Variants in SPTSSB observed in about 807,000 individuals in gnomAD.
SPTSSB encodes androgen down regulated in mouse prostate.
A neutral mutation model predicts 7.7 loss-of-function variants in SPTSSB; 6 were observed. The observed-to-expected ratio is 0.78, with a 90% CI of 0.43 to 1.54. The LOEUF is 1.54. Ranked by LOEUF, SPTSSB falls within the 40% of genes most tolerant of loss-of-function variation. The pLI is 0.01. For synonymous variants in SPTSSB, 28 were observed against 29.7 expected (o/e 0.94, Z 0.19); for missense variants, 91 against 93.0 (o/e 0.98, Z 0.09).
intron 2 of SPTSSB, among the ~76,000 whole-genome samples, chr3:161,348,747 A>G (rs1390157237): frequency 6.6e-6 from 1 of 152,224 alleles, no homozygotes; most frequent in Non-Finnish European, 1.5e-5. Context: ...AGTAGCCAGA[A>G]CTGACATGTG....
intron 1 of SPTSSB, among the ~76,000 whole-genome samples, chr3:161,361,694 G>A (rs907879886): frequency 2.6e-5 from 4 of 152,092 alleles, no homozygotes; most frequent in African/African-American, 4.8e-5. Flanking sequence ...AGTAACTTTC[G>A]TCACAATTAT....
intron 1 of SPTSSB, among the ~76,000 whole-genome samples, chr3:161,362,551 C>T (rs1189208916): frequency 1.8e-4 from 28 of 152,006 alleles, no homozygotes; most frequent in Admixed American, 1.8e-3. Context: ...TTTTTTGATT[C>T]TATAAACAAG....
chr3:161,369,922 G>T (rs460165), intron 1 of SPTSSB, among the ~76,000 whole-genome samples: 1 of 151,918 alleles, frequency 6.6e-6, no homozygotes, highest in African/African-American at 2.4e-5. Flanking sequence ...TATTTTCTTC[G>T]TGCTGTATGT....
rs1714198791 is a variant in SPTSSB at position 161,345,893 on chromosome 3, A to G, written c.*200T>C. Reference sequence around the variant, plus strand: ...AAAGTCACTGTATTATCTCCGGTCTAAAGCACAATGTAGCATGTGCAAAAG... The same window carrying G: ...AAAGTCACTGTATTATCTCCGGTCTGAAGCACAATGTAGCATGTGCAAAAG... On this transcript the variant is annotated 3_prime_UTR_variant, in exon 3 of 3. Coordinates refer to ENST00000620149, the MANE Select transcript of SPTSSB (RefSeq NM_001040100.2). 2.1e-6 allele frequency: 1 copy of G among 476,858 alleles called. No individual in the cohort carries two copies. Among genetic ancestry groups the G allele is most frequent in the Admixed American group, 3.6e-5 (1 of 27,596 alleles). 29.5% of individuals were successfully genotyped at this position (476,858 alleles called of 1,614,324 possible). A position where few individuals can be genotyped will look rare whatever the true frequency, so the allele number is the denominator to read the frequency against.
At chr3:161,347,083 C>A (rs1033990832) in intron 2 of SPTSSB, among the ~76,000 whole-genome samples, 39 of 152,198 alleles carry the variant, frequency 2.6e-4, no homozygotes, top group African/African-American at 9.4e-4. Context: ...GACTTTGGAG[C>A]CCAAGTATTT....
At chr3:161,368,974 G>C (rs564411475) in intron 1 of SPTSSB, among the ~76,000 whole-genome samples, 2 of 152,212 alleles carry the variant, frequency 1.3e-5, no homozygotes, top group Admixed American at 1.3e-4. Context: ...TAAACAACTT[G>C]GGTTGTTTCA....
intron 1 of SPTSSB, among the ~76,000 whole-genome samples, chr3:161,365,246 C>G (rs1560107609): frequency 6.6e-6 from 1 of 152,224 alleles, no homozygotes. Context: ...ATCCTTCCAG[C>G]CAGCTAGCCA....
At chr3:161,371,050 G>T (rs1715487340) in intron 1 of SPTSSB, among the ~76,000 whole-genome samples, 1 of 152,180 alleles carries the variant, frequency 6.6e-6, no homozygotes, top group South Asian at 2.1e-4. Context: ...TAGCTTATGG[G>T]CAGAGAGGGA....
intron 2 of SPTSSB, among the ~76,000 whole-genome samples, chr3:161,351,521 A>G (rs1714535720): frequency 6.6e-6 from 1 of 152,152 alleles, no homozygotes; most frequent in Non-Finnish European, 1.5e-5. Flanking sequence ...GGCTTTTAAA[A>G]TTTCTTAAAC....
In SPTSSB at chr3:161,352,518, A is replaced by G. The variant is rs544406300; in HGVS notation, c.-32-6163T>C. Among the ~76,000 whole-genome samples the G allele has an allele frequency of 3.6e-4, 55 of 152,350 alleles. No homozygotes were observed. In the South Asian group the frequency reaches 6.4e-3, roughly 18 times the overall value. ...GTTATGCACAGTCTGTTTCCCCACA[A>G]GACTATGAGGGCTTTGGGTACTGGG... On this transcript the variant is annotated intron_variant, in intron 2 of 2. Coordinates refer to ENST00000620149, the MANE Select transcript of SPTSSB (RefSeq NM_001040100.2).
In SPTSSB at chr3:161,371,477, A is replaced by T. The variant is rs551393976; in HGVS notation, c.-168T>A. 2 of 985,478 alleles carry T rather than the reference A, an allele frequency of 2.0e-6. No homozygotes were observed. Among genetic ancestry groups the T allele is most frequent in the East Asian group, 1.1e-4 (1 of 8,812 alleles). 61.0% of individuals were successfully genotyped at this position (985,478 alleles called of 1,614,324 possible). On this transcript the variant is annotated 5_prime_UTR_variant, in exon 1 of 3. Transcript: ENST00000620149. ...CTCCCTGCGGCTTAGGTGAGCGCCG[A>T]GGCTTTGGCTCCTCCCCAGCTGCTG...
chr3:161,352,099 C>T (rs1714568020), intron 2 of SPTSSB, among the ~76,000 whole-genome samples: 1 of 152,214 alleles, frequency 6.6e-6, no homozygotes, highest in Non-Finnish European at 1.5e-5. Context: ...GTCTTCTAAA[C>T]TGCTGCTAGA....
At chr3:161,369,501 C>G (rs1046410893) in intron 1 of SPTSSB, among the ~76,000 whole-genome samples, 1 of 149,008 alleles carries the variant, frequency 6.7e-6, no homozygotes, top group Non-Finnish European at 1.5e-5. Context: ...TAGTAAACAC[C>G]TTCTCATGTG....
At position 161,370,635 on chromosome 3, in the gene SPTSSB, A is replaced by G. The variant is rs565016079; in HGVS notation, c.-126+800T>C. Among the ~76,000 whole-genome samples, 8 of 152,336 alleles carry G rather than the reference A, an allele frequency of 5.3e-5. No individual in the cohort carries two copies. The South Asian group carries it at 1.7e-3, about 32-fold the overall frequency. ...AATCTTTTTGAAAAACAATTTTCCC[A>G]ACTCCCCTGATGCAGTTATTTGGAC... On this transcript the variant is annotated intron_variant, in intron 1 of 2. Coordinates refer to ENST00000620149, the MANE Select transcript of SPTSSB (RefSeq NM_001040100.2).
rs920530927 is a variant in SPTSSB, at chr3:161,351,851, AGT to A, written c.-32-5498_-32-5497del. 3.0e-4 allele frequency among the ~76,000 whole-genome samples: 46 copies of A among 152,338 alleles called. No homozygotes were observed. The South Asian group carries it at 3.1e-3, about 10-fold the overall frequency. ...TGGAAAAATCCAACTTTAAGGCTTA[AGT>A]GTTAGCTTCTCTAAGATGTCTCCGT... On this transcript the variant is annotated intron_variant, in intron 2 of 2. Transcript: ENST00000620149.
intron 2 of SPTSSB, chr3:161,347,967 T>C (rs1714335046): frequency 1.3e-5 from 2 of 152,226 alleles, no homozygotes; most frequent in South Asian, 4.1e-4. Context: ...AGTATTACCA[T>C]GTGGCTCCTT....
chr3:161,369,355 TTTCTTTC>T (rs1560109113), intron 1 of SPTSSB, among the ~76,000 whole-genome samples: 2 of 134,320 alleles, frequency 1.5e-5, no homozygotes, highest in Non-Finnish European at 3.2e-5. Flanking sequence ...TTTCTTTCTC[TTTCTTTC>T]TCTCTCTGTC....
At chr3:161,371,306 A>G in intron 1 of SPTSSB, 129 bp downstream of exon 1, 2 of 584,020 alleles carry the variant, frequency 3.4e-6, no homozygotes, top group Non-Finnish European at 4.3e-6. Flanking sequence ...GAAAATTGTA[A>G]TGCAGTTAAA....
At chr3:161,347,589 T>A (rs994058442) in intron 2 of SPTSSB, among the ~76,000 whole-genome samples, 1 of 152,022 alleles carries the variant, frequency 6.6e-6, no homozygotes, top group African/African-American at 2.4e-5. Flanking sequence ...AATGCACTAA[T>A]TGTCGGGCTC....
Sources: allele counts gnomAD v4.1 joint callset (sites outside exome capture counted in the v4.1 genomes callset), GRCh38; gene constraint gnomAD v4.1.1; transcripts MANE v1.5; gene names NCBI Gene and HGNC (gene_info 2026-07-23, HGNC 2026-07-21).